The following ASPDH variants were observed in gnomAD, a reference collection of about 807,000 sequenced individuals.
ASPDH encodes aspartate dehydrogenase domain-containing protein.
Under a neutral mutation model 30.5 loss-of-function variants are expected in ASPDH, and 25 were observed. The ratio of observed to expected loss-of-function variants is 0.82; its 90% CI spans 0.60 to 1.14. The LOEUF (loss-of-function observed/expected upper bound fraction) is 1.14, where lower values mean the gene tolerates loss of function less well. Among genes scored for constraint, ASPDH ranks in the 50% most tolerant of loss-of-function variants. The pLI is 0.00. For synonymous variants in ASPDH, 168 were observed against 156.3 expected (o/e 1.07, Z -0.56); for missense variants, 401 against 381.5 (o/e 1.05, Z -0.43).
chr19:50,513,893 G>T lies in ASPDH; in HGVS notation c.-70C>A, dbSNP rs1387946049. 37 of 1,511,868 alleles carry T rather than the reference G, an allele frequency of 2.4e-5. No individual in the cohort carries two copies. The Admixed American group carries it at 8.0e-4, about 33-fold the overall frequency. The allele number at this position is 1,511,868 out of a possible 1,614,324, so 93.7% of individuals were successfully genotyped here. A position where few individuals can be genotyped will look rare whatever the true frequency, so the allele number is the denominator to read the frequency against. On this transcript the variant is annotated 5_prime_UTR_variant, in exon 1 of 7. It adds an upstream start codon to the 5' untranslated region. Coordinates refer to ENST00000389208, the MANE Select transcript of ASPDH (RefSeq NM_001114598.2). The surrounding 1 kb of genome is among the most constrained non-coding windows in gnomAD (Gnocchi z 4.9). The stretch of plus-strand genomic sequence containing the variant: ...CTGCCCGCTGCACAAGGCCTGGGCA[G>T]CCGCTGCTCTTTGGACATCTGACCC...
chr19:50,514,575 C>T (rs141018796), upstream of ASPDH: 1,551 of 1,613,196 alleles, frequency 9.6e-4, 15 homozygotes, highest in African/African-American at 0.018. Context: ...TTCCCCAGCT[C>T]GCGTCAGCCC....
chr19:50,514,376 C>G, upstream of ASPDH: 1 of 1,518,336 alleles, frequency 6.6e-7, no homozygotes, highest in Non-Finnish European at 9.1e-7. Flanking sequence ...CTTGCCTCAG[C>G]GGGTCCAACC....
chr19:50,512,596 C>T lies in ASPDH; in HGVS notation c.433-16G>A. 1.3e-6 allele frequency: 2 copies of T among 1,516,904 alleles called. No homozygotes were observed. The highest frequency in any genetic ancestry group is 1.4e-5 in the African/African-American group (1 of 72,350). 94.0% of individuals were successfully genotyped at this position (1,516,904 alleles called of 1,614,324 possible). On this transcript the variant is annotated splice_polypyrimidine_tract_variant and intron_variant, in intron 4 of 6. Coordinates refer to ENST00000389208, the MANE Select transcript of ASPDH (RefSeq NM_001114598.2). ...CACGAAGGCTCTGGAAGCAAGAGCC[C>T]GGGTTAGGGGGAGTGGGGTCTTTGC... is the stretch of plus-strand genomic sequence containing the variant.
At position 50,512,304 on chromosome 19, in the gene ASPDH, G is replaced by A. The variant is rs772082809; in HGVS notation, c.654-14C>T. 6.2e-6 allele frequency: 10 copies of A among 1,613,840 alleles called. No individual in the cohort carries two copies. The highest frequency in any genetic ancestry group is 6.8e-6 in the Non-Finnish European group (8 of 1,179,972). ...ATGTCCGTGAGGCTGGGACAAGAGGGGCAGTCAGTCTGGAGAGCCTGGACT... is the reference window on the plus strand; with the variant it reads ...ATGTCCGTGAGGCTGGGACAAGAGGAGCAGTCAGTCTGGAGAGCCTGGACT... On this transcript the variant is annotated splice_polypyrimidine_tract_variant and intron_variant, in intron 5 of 6. Coordinates refer to ENST00000389208, the MANE Select transcript of ASPDH (RefSeq NM_001114598.2).
rs138962881 is a variant in ASPDH at position 50,512,425 on chromosome 19, C to T, written c.588G>A (p.Ala196=). ...CCAGGCTGGGGGCAGCCAGGGCAGC[C>T]GCCGCCATGGTGTTGGAATTTCGCG... is the stretch of plus-strand genomic sequence containing the variant. ...FAPRNSNTMA[A]AALAAPSLGF... is the part of the protein sequence containing the mutation. Residue 196 remains alanine, a synonymous_variant, in exon 5 of 7, where the codon GCG becomes GCA. Transcript: ENST00000389208. 5.7e-5 allele frequency: 92 copies of T among 1,612,472 alleles called. No individual in the cohort carries two copies. The African/African-American group carries it at 1.0e-3, about 18-fold the overall frequency.
chr19:50,513,477 G>T lies in ASPDH; in HGVS notation c.53-61C>A. The T allele has an allele frequency of 7.0e-7, 1 of 1,432,052 alleles. No individual in the cohort carries two copies. Among genetic ancestry groups the T allele is most frequent in the Non-Finnish European group, 9.2e-7 (1 of 1,085,966 alleles). The allele number at this position is 1,432,052 out of a possible 1,614,324, so 88.7% of individuals were successfully genotyped here. A position where few individuals can be genotyped will look rare whatever the true frequency, so the allele number is the denominator to read the frequency against. ...AGAGAGGGGGACAGAGACCCAGAGA[G>T]AGAGGAGGTGGGGACAGAGACCCAG... On this transcript the variant is annotated intron_variant, in intron 1 of 6. Transcript: ENST00000389208. The surrounding 1 kb of genome is among the most constrained non-coding windows in gnomAD (Gnocchi z 4.9).
At chr19:50,514,814 C>A, upstream of ASPDH, 9 of 447,418 alleles carry the variant, frequency 2.0e-5, no homozygotes, top group East Asian at 1.3e-4. Flanking sequence ...GTGGGGGGGG[C>A]GGGCACTGGG....
chr19:50,512,897 C>T (rs1208430123), intron 3 of ASPDH, 30 bp downstream of exon 3: 1 of 1,607,110 alleles, frequency 6.2e-7, no homozygotes, highest in Non-Finnish European at 8.5e-7. Flanking sequence ...AGGGGCAGGG[C>T]TCTGCGTAAA....
chr19:50,513,915 A>C, upstream of ASPDH: 1 of 1,447,706 alleles, frequency 6.9e-7, no homozygotes, highest in Non-Finnish European at 9.2e-7. The surrounding 1 kb of genome is among the most constrained non-coding windows in gnomAD (Gnocchi z 4.9). Context: ...TGGACATCTG[A>C]CCCTTGAGCC....
rs376542665 is a variant in ASPDH at position 50,513,835 on chromosome 19, C to G, written c.-12G>C. 6.5e-7 allele frequency: 1 copy of G among 1,549,502 alleles called. No homozygotes were observed. The highest frequency in any genetic ancestry group is 1.2e-5 in the South Asian group (1 of 83,868). On this transcript the variant is annotated 5_prime_UTR_variant, in exon 1 of 7. Transcript: ENST00000389208. This position sits in a 1 kb window ranked among gnomAD's most constrained non-coding sequence, Gnocchi z 4.9. The stretch of plus-strand genomic sequence containing the variant: ...CCCCTGTCGGCCATGGCCCTGAGTG[C>G]GGTGTCTGGGGCCTGGCTCCCTGGG...
In ASPDH at chr19:50,513,499, C is replaced by A. The variant is rs796748076; in HGVS notation, c.53-83G>T. On this transcript the variant is annotated intron_variant, in intron 1 of 6. Coordinates refer to ENST00000389208, the MANE Select transcript of ASPDH (RefSeq NM_001114598.2). This position sits in a 1 kb window ranked among gnomAD's most constrained non-coding sequence, Gnocchi z 4.9. Reference sequence around the variant, plus strand: ...AGAGAGAGGAGGTGGGGACAGAGACCCAGAGAGAGAGGAGGTGGGGACAGA... The same window carrying A: ...AGAGAGAGGAGGTGGGGACAGAGACACAGAGAGAGAGGAGGTGGGGACAGA... The A allele has an allele frequency of 2.9e-6, 4 of 1,366,248 alleles. No homozygotes were observed. The African/African-American group carries it at 4.5e-5, about 16-fold the overall frequency. 84.6% of individuals were successfully genotyped at this position (1,366,248 alleles called of 1,614,324 possible).
In ASPDH at chr19:50,512,741, C is replaced by G. The variant is rs1980024639; in HGVS notation, c.352G>C (p.Asp118His). Reference sequence around the variant, plus strand: ...CCTCGGGCCACAAACACGGCGTGGTCCCAGTGCTGTGAGGCCTCCAAGAGC... The same window carrying G: ...CCTCGGGCCACAAACACGGCGTGGTGCCAGTGCTGTGAGGCCTCCAAGAGC... ...RQLLEASQHW[D>H]HAVFVARGAL... The change falls in exon 4 of 7, where the codon GAC (aspartate) becomes CAC (histidine). Residue 118 changes from aspartate (D) to histidine (H), a missense_variant. Coordinates refer to ENST00000389208, the MANE Select transcript of ASPDH (RefSeq NM_001114598.2). 1 of 1,556,518 alleles carries G rather than the reference C, an allele frequency of 6.4e-7. No individual in the cohort carries two copies. Among genetic ancestry groups the G allele is most frequent in the Non-Finnish European group, 8.7e-7 (1 of 1,149,912 alleles).
Position 50,513,707 on chromosome 19 carries a change from C to T in ASPDH, c.52+65G>A, listed in dbSNP as rs1437425635. ...GAGAGAAAAAAGTGTTTGTGGAGGGCAGAGAGTCTTGGGAGCTTTAGGAAG... is the reference window on the plus strand; with the variant it reads ...GAGAGAAAAAAGTGTTTGTGGAGGGTAGAGAGTCTTGGGAGCTTTAGGAAG... On this transcript the variant is annotated intron_variant, in intron 1 of 6. Transcript: ENST00000389208. The surrounding 1 kb of genome is among the most constrained non-coding windows in gnomAD (Gnocchi z 4.9). 1.6e-6 allele frequency: 2 copies of T among 1,242,442 alleles called. No individual in the cohort carries two copies. The highest frequency in any genetic ancestry group is 2.6e-5 in the South Asian group (2 of 76,076). The allele number at this position is 1,242,442 out of a possible 1,614,324, so 77.0% of individuals were successfully genotyped here. A position where few individuals can be genotyped will look rare whatever the true frequency, so the allele number is the denominator to read the frequency against.
In ASPDH at chr19:50,512,165, G is replaced by T. The variant is rs762954015; in HGVS notation, c.779C>A (p.Thr260Asn). ...AEPGAVTGSA[T>N]VTAFWQSLLA... is the part of the protein sequence containing the mutation. ...GAGGCTCTGCCAGAAGGCCGTGACG[G>T]TGGCGGAGCCGGTGACCGCGCCTGG... is the stretch of plus-strand genomic sequence containing the variant. Residue 260 changes from threonine to asparagine, a missense_variant, in exon 6 of 7, where the codon ACC (threonine) becomes AAC (asparagine). Transcript: ENST00000389208. The T allele has an allele frequency of 6.3e-7, 1 of 1,585,424 alleles. No individual in the cohort carries two copies.
At chr19:50,513,935 A>C, upstream of ASPDH, 1 of 1,357,328 alleles carries the variant, frequency 7.4e-7, no homozygotes, top group East Asian at 2.6e-5. This position sits in a 1 kb window ranked among gnomAD's most constrained non-coding sequence, Gnocchi z 4.9. Flanking sequence ...CTCTGGGCTC[A>C]GTCTTCCCCC....
Position 50,513,425 on chromosome 19 carries a change from A to T in ASPDH, c.53-9T>A. 6.8e-7 allele frequency: 1 copy of T among 1,471,520 alleles called. No individual in the cohort carries two copies. 91.2% of individuals were successfully genotyped at this position (1,471,520 alleles called of 1,614,324 possible). ...GGAGACGAGGGACTGTCCTGGGGAGAGGGAAAGGAGAGGGCTAGAGATCCA... is the reference window on the plus strand; with the variant it reads ...GGAGACGAGGGACTGTCCTGGGGAGTGGGAAAGGAGAGGGCTAGAGATCCA... On this transcript the variant is annotated splice_polypyrimidine_tract_variant and intron_variant, in intron 1 of 6. Coordinates refer to ENST00000389208, the MANE Select transcript of ASPDH (RefSeq NM_001114598.2). This position sits in a 1 kb window ranked among gnomAD's most constrained non-coding sequence, Gnocchi z 4.9.
At chr19:50,514,542 C>T (rs746620413), upstream of ASPDH, 216 of 1,614,028 alleles carry the variant, frequency 1.3e-4, 1 homozygote, top group African/African-American at 2.0e-4. Flanking sequence ...GTGACGTTCT[C>T]GCTCCCACGT....
chr19:50,511,821 G>T, intron 6 of ASPDH, 48 bp from the exon 7 acceptor site: 1 of 1,225,794 alleles, frequency 8.2e-7, no homozygotes, highest in Non-Finnish European at 1.1e-6. Context: ...GAGATGAGGA[G>T]ACAGACGCCT....
intron 6 of ASPDH, 22 bp downstream of exon 6, chr19:50,512,114 G>C (rs751744652): frequency 6.6e-7 from 1 of 1,520,846 alleles, no homozygotes. Context: ...CCCAGGGCCG[G>C]GGGAGAGGGG....
Sources: allele counts gnomAD v4.1 joint callset, GRCh38; gene constraint gnomAD v4.1.1; non-coding constraint Gnocchi (gnomAD v3.1); transcripts MANE v1.5; gene names NCBI Gene and HGNC (gene_info 2026-07-23, HGNC 2026-07-21).